The following SRPK2 variants were observed in gnomAD, a reference collection of about 807,000 sequenced individuals.
The protein encoded by SRPK2 is SFRS protein kinase 2.
Under a neutral mutation model 90.8 loss-of-function variants are expected in SRPK2, and 21 were observed. That is an observed-to-expected ratio of 0.23 (90% CI 0.16 to 0.33). The LOEUF (loss-of-function observed/expected upper bound fraction) is 0.33, where lower values mean the gene tolerates loss of function less well. Among genes scored for constraint, SRPK2 ranks in the 10% least tolerant of loss-of-function variants. The pLI is 1.00. For missense variants in SRPK2, 620 were observed against 869.0 expected (o/e 0.71, Z 3.60); for synonymous variants, 288 against 311.1 (o/e 0.93, Z 0.78).
At chr7:105,390,428 C>CTATTTATT (rs201600585), upstream of SRPK2, among the ~76,000 whole-genome samples, 721 of 151,510 alleles carry the variant, frequency 4.8e-3, 11 homozygotes, top group East Asian at 0.054. Context: ...GGTTTTCTTT[C>CTATTTATT]TATTTATTTA....
intron 2 of SRPK2, among the ~76,000 whole-genome samples, chr7:105,358,177 T>C (rs1454378249): frequency 1.6e-5 from 2 of 125,010 alleles, no homozygotes; most frequent in East Asian, 4.9e-4. Flanking sequence ...TGAGACGAGA[T>C]CACGCCACTG....
chr7:105,220,663 A>G (rs942586481), intron 2 of SRPK2, among the ~76,000 whole-genome samples: 4 of 152,258 alleles, frequency 2.6e-5, no homozygotes, highest in African/African-American at 9.6e-5. Flanking sequence ...TATATGAAAC[A>G]AACCACCAAA....
At chr7:105,166,716 T>C (rs967677311) in intron 6 of SRPK2, among the ~76,000 whole-genome samples, 4 of 152,214 alleles carry the variant, frequency 2.6e-5, no homozygotes, top group Admixed American at 6.5e-5. Context: ...ATGCAGAGTA[T>C]AGAAAATGCA....
chr7:105,210,690 C>G (rs536192311), intron 2 of SRPK2, among the ~76,000 whole-genome samples: 8 of 152,176 alleles, frequency 5.3e-5, no homozygotes, highest in Non-Finnish European at 1.0e-4. Flanking sequence ...ATCCAATTAT[C>G]TACACTACAT....
At chr7:105,199,913 AAAGC>A (rs1305669761) in intron 3 of SRPK2, among the ~76,000 whole-genome samples, 1 of 151,410 alleles carries the variant, frequency 6.6e-6, no homozygotes, top group Non-Finnish European at 1.5e-5. Flanking sequence ...AAAAAAAAAA[AAAGC>A]AGGATTCTCT....
chr7:105,327,972 T>C (rs1813787172), intron 2 of SRPK2, among the ~76,000 whole-genome samples: 2 of 152,298 alleles, frequency 1.3e-5, no homozygotes, highest in Middle Eastern at 3.4e-3. Context: ...GGCTAATTTT[T>C]CTATCTGTAG....
chr7:105,241,086 C>T (rs1800758673), intron 2 of SRPK2, among the ~76,000 whole-genome samples: 1 of 152,046 alleles, frequency 6.6e-6, no homozygotes, highest in Non-Finnish European at 1.5e-5. Flanking sequence ...TTAAAAGAGG[C>T]TGCATGGTAA....
chr7:105,337,362 T>A (rs1815219174), intron 2 of SRPK2, among the ~76,000 whole-genome samples: 2 of 151,718 alleles, frequency 1.3e-5, no homozygotes, highest in South Asian at 4.2e-4. Flanking sequence ...TTGCCCAGGC[T>A]GGAGTGCAAT....
chr7:105,298,457 G>GC (rs1554501530), intron 2 of SRPK2, among the ~76,000 whole-genome samples: 4 of 151,790 alleles, frequency 2.6e-5, no homozygotes. Flanking sequence ...TTACATATAG[G>GC]TTTTTTTTCT....
chr7:105,171,399 T>TA (rs1381623814), intron 3 of SRPK2, among the ~76,000 whole-genome samples: 5 of 152,228 alleles, frequency 3.3e-5, no homozygotes, highest in Non-Finnish European at 7.3e-5. Flanking sequence ...AATATTTTAC[T>TA]ACTTTTTTAC....
intron 2 of SRPK2, among the ~76,000 whole-genome samples, chr7:105,250,049 G>T (rs1585357897): frequency 6.6e-6 from 1 of 152,174 alleles, no homozygotes; most frequent in African/African-American, 2.4e-5. Flanking sequence ...TGGCTACTTT[G>T]GCCAGGCACA....
intron 7 of SRPK2, among the ~76,000 whole-genome samples, chr7:105,156,167 A>G (rs1806456521): frequency 6.6e-6 from 1 of 152,194 alleles, no homozygotes; most frequent in East Asian, 1.9e-4. Context: ...AGTTTATTAT[A>G]TAAAACCCAT....
At chr7:105,122,462 G>A (rs117202764) in intron 15 of SRPK2, among the ~76,000 whole-genome samples, 1,531 of 152,300 alleles carry the variant, frequency 0.01, 18 homozygotes, top group Non-Finnish European at 0.017. Flanking sequence ...GGATAAACAA[G>A]AGGAGTGGCA....
At chr7:105,205,646 C>T (rs529126309) in intron 2 of SRPK2, among the ~76,000 whole-genome samples, 138 of 151,570 alleles carry the variant, frequency 9.1e-4, no homozygotes, top group Non-Finnish European at 1.6e-3. Flanking sequence ...CATGTAAATG[C>T]TCGCTTCTTT....
chr7:105,375,945 T>C (rs1219718498), intron 2 of SRPK2, among the ~76,000 whole-genome samples: 1 of 151,396 alleles, frequency 6.6e-6, no homozygotes, highest in Non-Finnish European at 1.5e-5. Flanking sequence ...AGCCCAGCAG[T>C]TTGAGTCCAG....
chr7:105,340,879 G>C (rs982214310), intron 2 of SRPK2, among the ~76,000 whole-genome samples: 3 of 152,112 alleles, frequency 2.0e-5, no homozygotes, highest in Non-Finnish European at 4.4e-5. Flanking sequence ...AGCATAAAAG[G>C]CTGCAATAAA....
chr7:105,115,308 G>A (rs1034269822), downstream of SRPK2: 4 of 152,188 alleles, frequency 2.6e-5, no homozygotes, highest in Non-Finnish European at 4.4e-5. Flanking sequence ...AGTTATGTAT[G>A]GTCCAGGTAT....
intron 3 of SRPK2, among the ~76,000 whole-genome samples, chr7:105,184,946 A>G (rs1373401191): frequency 6.6e-6 from 1 of 152,004 alleles, no homozygotes; most frequent in African/African-American, 2.4e-5. Context: ...TCCTTGTTTC[A>G]TGGGCAAAGG....
intron 2 of SRPK2, among the ~76,000 whole-genome samples, chr7:105,283,690 G>A (rs888706709): frequency 6.6e-6 from 1 of 152,062 alleles, no homozygotes; most frequent in African/African-American, 2.4e-5. Flanking sequence ...ATGTAATAGT[G>A]GTAGTTTCAA....
Sources: gnomAD v4.1 joint callset for allele counts (sites outside exome capture counted in the v4.1 genomes callset) on GRCh38, gnomAD v4.1.1 for gene constraint, MANE v1.5 for transcripts, NCBI Gene and HGNC (gene_info 2026-07-23, HGNC 2026-07-21) for gene names.